The following PLCB1 variants were observed in gnomAD, a reference collection of about 807,000 sequenced individuals.
PLCB1 encodes the protein phospholipase C beta 1.
In PLCB1, 46 loss-of-function variants were observed where a neutral mutation model predicts 161.8. The ratio of observed to expected loss-of-function variants is 0.28; its 90% CI spans 0.22 to 0.36. PLCB1 has a LOEUF of 0.36. Ranked by LOEUF, PLCB1 falls within the 10% of genes least tolerant of loss-of-function variation. The pLI, the probability that PLCB1 is intolerant of heterozygous loss-of-function variation, is 1.00. For missense variants in PLCB1, 1,016 were observed against 1,472.5 expected, an observed-to-expected ratio of 0.69 and a Z score of 5.07; for synonymous variants, 517 against 503.7, an observed-to-expected ratio of 1.03 and a Z score of -0.35.
intron 3 of PLCB1, among the ~76,000 whole-genome samples, chr20:8,593,654 A>AT (rs1436279602): frequency 1.3e-5 from 2 of 151,582 alleles, no homozygotes; most frequent in Admixed American, 1.3e-4. Context: ...TAGATTTTTT[A>AT]TTTTTATTTT....
intron 2 of PLCB1, among the ~76,000 whole-genome samples, chr20:8,261,510 G>C (rs2743162): frequency 0.91 from 138,537 of 152,132 alleles, 63,321 homozygotes; most frequent in East Asian, 0.98. Context: ...TGCGGTTGAT[G>C]TCGAGCCTTA....
At chr20:8,241,884 A>G (rs759545766) in intron 2 of PLCB1, among the ~76,000 whole-genome samples, 2 of 151,988 alleles carry the variant, frequency 1.3e-5, no homozygotes, top group Non-Finnish European at 2.9e-5. Flanking sequence ...GGAGGGTTCC[A>G]CATTTAAAGA....
intron 23 of PLCB1, among the ~76,000 whole-genome samples, chr20:8,744,616 T>TAAAAAAAATAAAATAAAATTA (rs1555787573): frequency 8.2e-6 from 1 of 121,222 alleles, no homozygotes; most frequent in Non-Finnish European, 1.7e-5. Flanking sequence ...AAAAATAAAA[T>TAAAAAAAATAAAATAAAATTA]AAATAAAATA....
At chr20:8,423,676 T>C (rs1244069435) in intron 3 of PLCB1, among the ~76,000 whole-genome samples, 2 of 152,200 alleles carry the variant, frequency 1.3e-5, no homozygotes, top group African/African-American at 2.4e-5. Context: ...TTGTGCTAGA[T>C]TGACATTTTT....
intron 3 of PLCB1, among the ~76,000 whole-genome samples, chr20:8,522,438 C>T (rs1026130327): frequency 1.3e-5 from 2 of 152,126 alleles, no homozygotes; most frequent in Admixed American, 1.3e-4. Flanking sequence ...CTAAGAAGGA[C>T]AAAAGCCATT....
At chr20:8,144,910 A>G (rs981987004) in intron 1 of PLCB1, among the ~76,000 whole-genome samples, 91 of 152,328 alleles carry the variant, frequency 6.0e-4, no homozygotes, top group African/African-American at 1.8e-3. Context: ...TACCATAAAA[A>G]CATGAGAATC....
At chr20:8,179,556 A>G (rs564155514) in intron 2 of PLCB1, among the ~76,000 whole-genome samples, 21 of 152,312 alleles carry the variant, frequency 1.4e-4, no homozygotes, top group African/African-American at 5.1e-4. Flanking sequence ...AGGGTTTTCT[A>G]GGTACTAGGT....
At chr20:8,593,818 T>A (rs1461628486) in intron 3 of PLCB1, among the ~76,000 whole-genome samples, 2 of 152,142 alleles carry the variant, frequency 1.3e-5, no homozygotes, top group African/African-American at 2.4e-5. Context: ...AAGATTCTAT[T>A]ATCAGGAGGA....
chr20:8,517,098 A>G (rs138652352), intron 3 of PLCB1, among the ~76,000 whole-genome samples: 2 of 152,202 alleles, frequency 1.3e-5, no homozygotes, highest in African/African-American at 4.8e-5. Context: ...CGTTCCACAT[A>G]TAGAGATGAC....
At chr20:8,812,845 T>G (rs967541927) in intron 31 of PLCB1, among the ~76,000 whole-genome samples, 1 of 152,132 alleles carries the variant, frequency 6.6e-6, no homozygotes, top group African/African-American at 2.4e-5. Flanking sequence ...ATAAGGAAAT[T>G]GTCTATTTCC....
intron 2 of PLCB1, among the ~76,000 whole-genome samples, chr20:8,298,901 C>A (rs182469078): frequency 7.6e-4 from 115 of 152,214 alleles, no homozygotes; most frequent in African/African-American, 2.7e-3. Context: ...TGCACAGCAT[C>A]ACTTTAACCA....
intron 31 of PLCB1, among the ~76,000 whole-genome samples, chr20:8,877,714 T>G (rs1291909146): frequency 6.6e-6 from 1 of 152,238 alleles, no homozygotes; most frequent in Non-Finnish European, 1.5e-5. Context: ...CATATTTTCT[T>G]ACAATGAACA....
intron 1 of PLCB1, among the ~76,000 whole-genome samples, chr20:8,142,846 T>A (rs2051417658): frequency 6.6e-6 from 1 of 152,224 alleles, no homozygotes; most frequent in African/African-American, 2.4e-5. Flanking sequence ...TGGAAGTCCC[T>A]GGAACAATGC....
intron 2 of PLCB1, among the ~76,000 whole-genome samples, chr20:8,197,995 C>T (rs1000059088): frequency 6.6e-6 from 1 of 151,998 alleles, no homozygotes; most frequent in African/African-American, 2.4e-5. Context: ...TTTCTGAGGG[C>T]TCTGTTCTGT....
In PLCB1 at chr20:8,609,706, C is replaced by T. The variant is rs540308254; in HGVS notation, c.247-18588C>T. Among the ~76,000 whole-genome samples the T allele has an allele frequency of 1.6e-3, 243 of 152,144 alleles. 1 individual carries two copies. Among genetic ancestry groups the T allele is most frequent in the African/African-American group, 5.4e-3 (226 of 41,526 alleles). On this transcript the variant is annotated intron_variant, in intron 3 of 31. Coordinates refer to ENST00000338037, the MANE Select transcript of PLCB1 (RefSeq NM_015192.4). ...TCAACCAGGCTTAAGTGCAGTGGTG[C>T]GATCATAGTTCACTGAAATCTCAAT...
chr20:8,166,883 T>C (rs1336832390), intron 2 of PLCB1, among the ~76,000 whole-genome samples: 1 of 152,158 alleles, frequency 6.6e-6, no homozygotes, highest in Middle Eastern at 3.2e-3. Context: ...CCCCATGGAT[T>C]AGCCCCTCCC....
chr20:8,337,192 C>A (rs573726693), intron 2 of PLCB1, among the ~76,000 whole-genome samples: 1 of 152,060 alleles, frequency 6.6e-6, no homozygotes, highest in Non-Finnish European at 1.5e-5. Flanking sequence ...ATTATTTAAT[C>A]CAAAGTGTAG....
At chr20:8,648,270 G>T (rs553079717) in intron 6 of PLCB1, among the ~76,000 whole-genome samples, 2 of 152,174 alleles carry the variant, frequency 1.3e-5, no homozygotes, top group Non-Finnish European at 1.5e-5. Flanking sequence ...GAAATTGGCC[G>T]ACCTCAGTGC....
chr20:8,492,900 T>C (rs184987130), intron 3 of PLCB1, among the ~76,000 whole-genome samples: 69 of 152,218 alleles, frequency 4.5e-4, no homozygotes, highest in Admixed American at 9.8e-4. Flanking sequence ...TTCATTTTTT[T>C]CTGTTGATTT....
Sources: allele counts gnomAD v4.1 joint callset (sites outside exome capture counted in the v4.1 genomes callset), GRCh38; gene constraint gnomAD v4.1.1; transcripts MANE v1.5; gene names NCBI Gene and HGNC (gene_info 2026-07-23, HGNC 2026-07-21).